Variants in DLGAP2 observed in about 807,000 individuals in gnomAD.
DLGAP2 encodes disks large-associated protein 2.
Under a neutral mutation model 100.3 loss-of-function variants are expected in DLGAP2, and 26 were observed. That is an observed-to-expected ratio of 0.26 (90% CI 0.19 to 0.36). The LOEUF (loss-of-function observed/expected upper bound fraction) is 0.36, where lower values mean the gene tolerates loss of function less well. Ranked by LOEUF, DLGAP2 falls within the 10% of genes least tolerant of loss-of-function variation. The probability of loss-of-function intolerance (pLI) is 1.00; values close to 1 mark genes in which losing one functional copy is unlikely to be tolerated. For missense variants in DLGAP2, 1,858 were observed against 1,453.2 expected (o/e 1.28, Z -4.53); for synonymous variants, 886 against 630.1 (o/e 1.41, Z -6.08).
At chr8:1,218,511 G>A (rs1798255973) in intron 2 of DLGAP2, among the ~76,000 whole-genome samples, 1 of 144,958 alleles carries the variant, frequency 6.9e-6, no homozygotes. Context: ...TTTTTTACCA[G>A]TACCATGTTG....
intron 3 of DLGAP2, among the ~76,000 whole-genome samples, chr8:1,423,948 A>G (rs1001620116): frequency 6.6e-6 from 1 of 152,256 alleles, no homozygotes; most frequent in Non-Finnish European, 1.5e-5. Context: ...GCTGAAAAAT[A>G]GATGTACTCT....
intron 6 of DLGAP2, chr8:1,621,384 G>A (rs1797331753): frequency 6.5e-6 from 1 of 152,880 alleles, no homozygotes; most frequent in African/African-American, 2.4e-5. Flanking sequence ...AAAGGAGGTT[G>A]TCATGGCTGG....
chr8:942,088 C>T (rs888694550), intron 2 of DLGAP2, among the ~76,000 whole-genome samples: 89 of 152,258 alleles, frequency 5.8e-4, no homozygotes, highest in African/African-American at 2.1e-3. Flanking sequence ...CCTCGAGTCA[C>T]TGGGACCACA....
At chr8:1,080,124 G>C (rs1039276842) in intron 2 of DLGAP2, among the ~76,000 whole-genome samples, 2 of 152,338 alleles carry the variant, frequency 1.3e-5, no homozygotes, top group East Asian at 1.9e-4. Context: ...CCGTGCTGCA[G>C]GTTCGCTGGG....
At chr8:1,194,990 G>A (rs1370673519) in intron 2 of DLGAP2, among the ~76,000 whole-genome samples, 1 of 152,208 alleles carries the variant, frequency 6.6e-6, no homozygotes, top group African/African-American at 2.4e-5. Flanking sequence ...CGCTCTCCCG[G>A]CCTTCATTCC....
chr8:1,256,016 T>C (rs1799200749), intron 2 of DLGAP2, among the ~76,000 whole-genome samples: 1 of 135,706 alleles, frequency 7.4e-6, no homozygotes, highest in Non-Finnish European at 1.5e-5. Context: ...GTGCTGTGTG[T>C]GTGTCCTCTC....
intron 2 of DLGAP2, among the ~76,000 whole-genome samples, chr8:924,639 A>G (rs766218554): frequency 1.3e-5 from 2 of 151,392 alleles, no homozygotes; most frequent in Non-Finnish European, 2.9e-5. Flanking sequence ...CTGGAGTGCA[A>G]TGGCGCGATC....
chr8:1,639,857 C>A (rs1563273754), intron 8 of DLGAP2, among the ~76,000 whole-genome samples: 1 of 152,198 alleles, frequency 6.6e-6, no homozygotes, highest in African/African-American at 2.4e-5. Context: ...GACTCTGACC[C>A]CCTCCCTTCC....
At chr8:887,001 C>T (rs954335372) in intron 1 of DLGAP2, among the ~76,000 whole-genome samples, 25 of 152,168 alleles carry the variant, frequency 1.6e-4, no homozygotes, top group Non-Finnish European at 3.2e-4. Flanking sequence ...GTGTGGGAGT[C>T]TAAGTCTCCT....
At position 1,287,173 on chromosome 8, in the gene DLGAP2, G is replaced by A. The variant is rs554263393; in HGVS notation, c.106+28290G>A. ...GTGTGTGTGTGCGCGCGCGCGCGTG[G>A]TTCTGTTAGGAGGGGAACTAGTTTT... is the stretch of plus-strand genomic sequence containing the variant. On this transcript the variant is annotated intron_variant, in intron 3 of 14. Transcript: ENST00000637795. Among the ~76,000 whole-genome samples, 385 of 121,804 alleles carry A rather than the reference G, an allele frequency of 3.2e-3. 5 individuals carry two copies. The highest frequency in any genetic ancestry group is 0.021 in the South Asian group (70 of 3,256). The allele number at this position is 121,804 out of a possible 152,430, so 79.9% of individuals were successfully genotyped here. A position where few individuals can be genotyped will look rare whatever the true frequency, so the allele number is the denominator to read the frequency against.
chr8:1,332,804 C>G (rs1265326446), intron 3 of DLGAP2, among the ~76,000 whole-genome samples: 4 of 152,188 alleles, frequency 2.6e-5, no homozygotes, highest in Non-Finnish European at 1.5e-5. Flanking sequence ...CCATTCATAA[C>G]CAAGCATCAG....
intron 8 of DLGAP2, among the ~76,000 whole-genome samples, chr8:1,636,304 C>T (rs999306962): frequency 5.3e-5 from 8 of 152,126 alleles, no homozygotes; most frequent in Admixed American, 1.3e-4. Flanking sequence ...TTCTAGAAGT[C>T]ATTAAAACAA....
intron 6 of DLGAP2, among the ~76,000 whole-genome samples, chr8:1,584,718 G>T (rs1040444826): frequency 3.3e-5 from 5 of 152,094 alleles, no homozygotes; most frequent in Non-Finnish European, 7.4e-5. Flanking sequence ...TGCTCCTGGG[G>T]GTCTCTGCCC....
intron 4 of DLGAP2, among the ~76,000 whole-genome samples, chr8:1,503,826 G>A (rs778136936): frequency 6.6e-6 from 1 of 152,138 alleles, no homozygotes; most frequent in South Asian, 2.1e-4. Context: ...ATTTGGTGAC[G>A]GTTGGCTGAG....
intron 2 of DLGAP2, among the ~76,000 whole-genome samples, chr8:1,119,655 G>T (rs1795990870): frequency 6.6e-6 from 1 of 152,222 alleles, no homozygotes; most frequent in Admixed American, 6.5e-5. Context: ...AGCTTCAAGT[G>T]ATGGCATGTG....
intron 2 of DLGAP2, among the ~76,000 whole-genome samples, chr8:1,180,394 G>A (rs1366345376): frequency 6.6e-6 from 1 of 152,192 alleles, no homozygotes; most frequent in African/African-American, 2.4e-5. Flanking sequence ...TTTTTGAGAA[G>A]GGGCCTCACA....
At chr8:1,305,226 C>A (rs1800460484) in intron 3 of DLGAP2, among the ~76,000 whole-genome samples, 2 of 152,204 alleles carry the variant, frequency 1.3e-5, no homozygotes, top group South Asian at 4.1e-4. Flanking sequence ...AAAGTAGCAT[C>A]TCTCAATGTT....
intron 3 of DLGAP2, among the ~76,000 whole-genome samples, chr8:1,308,433 A>G (rs966547261): frequency 6.6e-6 from 1 of 152,256 alleles, no homozygotes; most frequent in Non-Finnish European, 1.5e-5. Flanking sequence ...GCCCCTTCTA[A>G]TATCCAAGTG....
chr8:1,617,802 G>T (rs921254118), intron 6 of DLGAP2, among the ~76,000 whole-genome samples: 5 of 152,172 alleles, frequency 3.3e-5, no homozygotes, highest in Non-Finnish European at 7.3e-5. Context: ...GCCAATACGA[G>T]CTAAAGCTCA....
Sources: allele counts gnomAD v4.1 joint callset (sites outside exome capture counted in the v4.1 genomes callset), GRCh38; gene constraint gnomAD v4.1.1; transcripts MANE v1.5; gene names NCBI Gene and HGNC (gene_info 2026-07-23, HGNC 2026-07-21).